Variants in RHOA observed in about 807,000 individuals in gnomAD.
The protein encoded by RHOA is ras homolog family member A, also known as transforming protein RhoA.
In RHOA, 3 loss-of-function variants were observed where a neutral mutation model predicts 17.5. The ratio of observed to expected loss-of-function variants is 0.17; its 90% confidence interval spans 0.08 to 0.44. The LOEUF is 0.44. RHOA is among the 20% of genes least tolerant of loss of function. The pLI is 0.99. For missense variants in RHOA, 56 were observed against 242.3 expected, an observed-to-expected ratio of 0.23 and a Z score of 5.10; for synonymous variants, 98 against 88.4, an observed-to-expected ratio of 1.11 and a Z score of -0.61.
At chr3:49,391,961 G>GT (rs879784063) in intron 1 of RHOA, among the ~76,000 whole-genome samples, 110 of 150,946 alleles carry the variant, frequency 7.3e-4, no homozygotes, top group Middle Eastern at 3.4e-3. Flanking sequence ...CCAAGTAGCT[G>GT]GGATTATAGG....
chr3:49,395,058 G>A (rs903506602), intron 1 of RHOA, among the ~76,000 whole-genome samples: 1 of 151,342 alleles, frequency 6.6e-6, no homozygotes, highest in Non-Finnish European at 1.5e-5. Context: ...GACCATCTTG[G>A]CTAACACGGT....
intron 2 of RHOA, among the ~76,000 whole-genome samples, chr3:49,369,482 T>C (rs1559498444): frequency 2.7e-5 from 4 of 150,334 alleles, no homozygotes; most frequent in East Asian, 2.0e-4. Context: ...CCTGTAATCC[T>C]AGCACTTTGG....
chr3:49,391,529 A>G (rs1165675153), intron 1 of RHOA, among the ~76,000 whole-genome samples: 1 of 152,142 alleles, frequency 6.6e-6, no homozygotes, highest in African/African-American at 2.4e-5. Flanking sequence ...CCAACGTGGT[A>G]GCTACTAGCC....
intron 1 of RHOA, among the ~76,000 whole-genome samples, chr3:49,404,433 AACACACACAC>A (rs374020319): frequency 1.1e-5 from 1 of 90,766 alleles, no homozygotes; most frequent in African/African-American, 4.1e-5. Context: ...TCTCTAGTAA[AACACACACAC>A]ACACACACAC....
chr3:49,404,382 C>T (rs946892467), intron 1 of RHOA, among the ~76,000 whole-genome samples: 4 of 145,452 alleles, frequency 2.8e-5, no homozygotes, highest in Non-Finnish European at 4.5e-5. Flanking sequence ...ATCACAAGGT[C>T]AGGAGTTCAA....
intron 1 of RHOA, among the ~76,000 whole-genome samples, chr3:49,407,573 T>C (rs1382097883): frequency 6.6e-6 from 1 of 152,182 alleles, no homozygotes; most frequent in Non-Finnish European, 1.5e-5. Flanking sequence ...ATCATATTAG[T>C]TTACTATTTA....
At position 49,361,086 on chromosome 3, in the gene RHOA, C is replaced by A. The variant is rs79327697; in HGVS notation, c.409-704G>T. 2.5e-3 allele frequency: 317 copies of A among 126,818 alleles called. 1 individual carries two copies. Among genetic ancestry groups the A allele is most frequent in the Middle Eastern group, 0.02 (10 of 502 alleles). 7.9% of individuals were successfully genotyped at this position (126,818 alleles called of 1,614,324 possible). On this transcript the variant is annotated intron_variant, in intron 4 of 4. Coordinates refer to ENST00000418115, the MANE Select transcript of RHOA (RefSeq NM_001664.4). ...AGGCTCCTTCTCAAAAAAAACAAAA[C>A]AAAAAAAAAAAACAACAAACTGCTA...
chr3:49,360,302 G>C lies in RHOA; in HGVS notation c.489C>G (p.Thr163=). Residue 163 remains threonine, a synonymous_variant, in exon 5 of 5, where the codon ACC becomes ACG. Coordinates refer to ENST00000418115, the MANE Select transcript of RHOA (RefSeq NM_001664.4). ...AFGYMECSAK[T]KDGVREVFEM... ...CAAAAACCTCTCTCACTCCATCTTT[G>C]GTCTTTGCTGAACACTCCATGTACC... 3 of 1,613,884 alleles carry C rather than the reference G, an allele frequency of 1.9e-6. No individual in the cohort carries two copies. The highest frequency in any genetic ancestry group is 2.5e-6 in the Non-Finnish European group (3 of 1,180,000).
At position 49,360,399 on chromosome 3, in the gene RHOA, A is replaced by C; in HGVS notation, c.409-17T>G. ...CACCGGCTCCTAGCAAAGAAAAAAA[A>C]ATAGTCCTTTTAGCTAATAGTGTGG... is the stretch of plus-strand genomic sequence containing the variant. On this transcript the variant is annotated splice_polypyrimidine_tract_variant and intron_variant, in intron 4 of 4. Transcript: ENST00000418115. 6.2e-7 allele frequency: 1 copy of C among 1,603,138 alleles called. No homozygotes were observed. Among genetic ancestry groups the C allele is most frequent in the Non-Finnish European group, 8.5e-7 (1 of 1,176,838 alleles).
intron 1 of RHOA, among the ~76,000 whole-genome samples, chr3:49,391,140 C>G (rs2048495922): frequency 6.6e-6 from 1 of 151,736 alleles, no homozygotes; most frequent in African/African-American, 2.4e-5. Context: ...ACCGCTTGTA[C>G]CCGGGAGGCA....
chr3:49,396,170 G>T (rs770000384), intron 1 of RHOA, among the ~76,000 whole-genome samples: 1 of 152,200 alleles, frequency 6.6e-6, no homozygotes, highest in Non-Finnish European at 1.5e-5. Context: ...CTATGAGGAG[G>T]TGTCCAGCAA....
chr3:49,371,312 C>A (rs2107843132), intron 2 of RHOA, among the ~76,000 whole-genome samples: 1 of 151,584 alleles, frequency 6.6e-6, no homozygotes, highest in Admixed American at 6.6e-5. Flanking sequence ...AGAGTTTCGC[C>A]CTTGTCGCCC....
intron 1 of RHOA, among the ~76,000 whole-genome samples, chr3:49,401,041 C>CAAAAAAAAAAAAAAAAAAAAAAAAA (rs57354041): frequency 5.9e-5 from 4 of 67,584 alleles, no homozygotes; most frequent in Non-Finnish European, 1.1e-4. Flanking sequence ...GACTCCGTCT[C>CAAAAAAAAAAAAAAAAAAAAAAAAA]AAAAAAAAAA....
At chr3:49,405,535 C>T (rs1469611799) in intron 1 of RHOA, among the ~76,000 whole-genome samples, 1 of 152,136 alleles carries the variant, frequency 6.6e-6, no homozygotes, top group Non-Finnish European at 1.5e-5. Context: ...CTTACCATTC[C>T]CTTTCTACAG....
At chr3:49,409,276 T>C (rs1329449456) in intron 1 of RHOA, among the ~76,000 whole-genome samples, 1 of 151,260 alleles carries the variant, frequency 6.6e-6, no homozygotes, top group Non-Finnish European at 1.5e-5. Context: ...GTGCCTGTAG[T>C]CCCAGCTACT....
At chr3:49,394,979 G>C (rs1288706937) in intron 1 of RHOA, among the ~76,000 whole-genome samples, 2 of 152,044 alleles carry the variant, frequency 1.3e-5, no homozygotes, top group Non-Finnish European at 2.9e-5. Context: ...GTCGGGCGCG[G>C]TGGCTCACGC....
At chr3:49,365,736 A>C (rs1184069965) in intron 3 of RHOA, among the ~76,000 whole-genome samples, 1 of 151,568 alleles carries the variant, frequency 6.6e-6, no homozygotes, top group African/African-American at 2.4e-5. Context: ...GATTACAGGT[A>C]CATGCCACCA....
chr3:49,360,121 TAAATG>T lies in RHOA; in HGVS notation c.*83_*87del. Reference sequence around the variant, plus strand: ...TTTGTAATCTTAGGTAAATTATAGATAAATGAAAAAGGCCAGTAATCATACACTAA... The same window carrying T: ...TTTGTAATCTTAGGTAAATTATAGATAAAAAGGCCAGTAATCATACACTAA... On this transcript the variant is annotated 3_prime_UTR_variant, in exon 5 of 5. Transcript: ENST00000418115. 1.5e-6 allele frequency: 2 copies of T among 1,319,612 alleles called. No individual in the cohort carries two copies. The highest frequency in any genetic ancestry group is 1.4e-5 in the South Asian group (1 of 69,904). 81.7% of individuals were successfully genotyped at this position (1,319,612 alleles called of 1,614,324 possible).
At chr3:49,367,075 G>C (rs890184015) in intron 3 of RHOA, 2 of 152,118 alleles carry the variant, frequency 1.3e-5, no homozygotes, top group African/African-American at 4.8e-5. Flanking sequence ...AGGCGCAGTG[G>C]CTCACGCCTG....
Sources: gnomAD v4.1 joint callset for allele counts (sites outside exome capture counted in the v4.1 genomes callset) on GRCh38, gnomAD v4.1.1 for gene constraint, MANE v1.5 for transcripts, NCBI Gene and HGNC (gene_info 2026-07-23, HGNC 2026-07-21) for gene names.